The following MAPDA variants were observed in gnomAD, a reference collection of about 807,000 sequenced individuals.
MAPDA encodes the protein N6,N6-dimethyl-AMP deaminase.
chr15:43,336,525 A>T, the MAPDA span: 8 of 864,398 alleles, frequency 9.3e-6, no homozygotes, highest in African/African-American at 1.5e-4. Flanking sequence ...GTTCTTTGTA[A>T]ATATAAATAT....
the MAPDA span, chr15:43,353,264 C>T: frequency 7.1e-6 from 1 of 140,000 alleles, no homozygotes; most frequent in Non-Finnish European, 1.5e-5. Context: ...TAAGATAGTT[C>T]TGAAAGGTAA....
At chr15:43,338,039 C>G in the MAPDA span, among the ~76,000 whole-genome samples, 1 of 152,196 alleles carries the variant, frequency 6.6e-6, no homozygotes, top group Non-Finnish European at 1.5e-5. Context: ...GCCCTGGTCT[C>G]ACTTTGTTGA....
chr15:43,352,188 G>A, the MAPDA span: 3 of 366,570 alleles, frequency 8.2e-6, no homozygotes, highest in Non-Finnish European at 1.5e-5. Context: ...TTCCACCAGT[G>A]ATTATTGTGA....
At chr15:43,339,420 A>C in the MAPDA span, among the ~76,000 whole-genome samples, 1 of 152,196 alleles carries the variant, frequency 6.6e-6, no homozygotes, top group East Asian at 1.9e-4. Context: ...GATTGCTATG[A>C]ATTCACCAAG....
the MAPDA span, among the ~76,000 whole-genome samples, chr15:43,344,806 CA>C: frequency 4.2e-3 from 380 of 90,850 alleles, no homozygotes; most frequent in Middle Eastern, 0.013. Context: ...AATTCTGTCT[CA>C]AAAAAAAAAA....
the MAPDA span, chr15:43,354,383 T>A: frequency 6.6e-6 from 1 of 152,160 alleles, no homozygotes; most frequent in Admixed American, 6.5e-5. Context: ...AATTGCACAG[T>A]AAAAACATCA....
the MAPDA span, chr15:43,349,375 T>G: frequency 1.1e-6 from 1 of 941,994 alleles, no homozygotes; most frequent in Non-Finnish European, 1.3e-6. Flanking sequence ...TATGAAAATA[T>G]GTAACATTAT....
At chr15:43,336,622 GCAGATGTTTC>G in the MAPDA span, 1 of 1,565,654 alleles carries the variant, frequency 6.4e-7, no homozygotes, top group Non-Finnish European at 8.6e-7. Context: ...CATTCATGTT[GCAGATGTTTC>G]CAGATGTTTC....
At chr15:43,336,228 G>T in the MAPDA span, among the ~76,000 whole-genome samples, 1 of 151,904 alleles carries the variant, frequency 6.6e-6, no homozygotes, top group Non-Finnish European at 1.5e-5. Context: ...AATTTTTTTA[G>T]AGATGGGGGT....
chr15:43,340,393 T>G, the MAPDA span: 23 of 1,539,420 alleles, frequency 1.5e-5, no homozygotes, highest in Non-Finnish European at 2.0e-5. Context: ...GTCCTTTTCC[T>G]ATGTGCTTTG....
the MAPDA span, chr15:43,350,883 A>G: frequency 1.5e-6 from 2 of 1,369,420 alleles, no homozygotes; most frequent in Non-Finnish European, 2.0e-6. Context: ...CTTGGTGAAC[A>G]CTGAATGAGT....
the MAPDA span, chr15:43,330,582 A>G: frequency 4.3e-6 from 6 of 1,397,178 alleles, no homozygotes; most frequent in Admixed American, 3.2e-5. Flanking sequence ...GGGGAAAAAA[A>G]CCACCCATGC....
At chr15:43,337,110 T>TACA in the MAPDA span, among the ~76,000 whole-genome samples, 1 of 118,134 alleles carries the variant, frequency 8.5e-6, no homozygotes, top group Non-Finnish European at 1.6e-5. Context: ...CTACTAAAAA[T>TACA]ACAAAAAAAA....
At chr15:43,351,011 G>A in the MAPDA span, 3 of 1,551,572 alleles carry the variant, frequency 1.9e-6, no homozygotes, top group Non-Finnish European at 2.6e-6. Flanking sequence ...TCGGATTCTG[G>A]TACAGCATTG....
the MAPDA span, among the ~76,000 whole-genome samples, chr15:43,349,744 TAAAA>T: frequency 6.6e-6 from 1 of 152,254 alleles, no homozygotes; most frequent in African/African-American, 2.4e-5. Context: ...TACCAATTTA[TAAAA>T]ATGCTTGTGT....
At chr15:43,337,201 G>A in the MAPDA span, among the ~76,000 whole-genome samples, 4 of 151,332 alleles carry the variant, frequency 2.6e-5, no homozygotes, top group Admixed American at 6.6e-5. Flanking sequence ...ATGTGAACCC[G>A]GGAGGTGGAG....
chr15:43,348,709 TTGAAA>T, the MAPDA span, among the ~76,000 whole-genome samples: 2 of 152,284 alleles, frequency 1.3e-5, no homozygotes, highest in South Asian at 4.1e-4. Flanking sequence ...ATTATTATCA[TTGAAA>T]TGAATCTAGA....
At chr15:43,349,294 A>G in the MAPDA span, 1 of 1,207,838 alleles carries the variant, frequency 8.3e-7, no homozygotes. Context: ...CTTGGAACTC[A>G]ATAAGAATTT....
At chr15:43,340,956 G>A in the MAPDA span, among the ~76,000 whole-genome samples, 1 of 152,212 alleles carries the variant, frequency 6.6e-6, no homozygotes, top group South Asian at 2.1e-4. Context: ...TTACTAAAAT[G>A]TAGGTTATTC....
Sources: gnomAD v4.1 joint callset for allele counts (sites outside exome capture counted in the v4.1 genomes callset) on GRCh38, gnomAD v4.1.1 for gene constraint, MANE v1.5 for transcripts, NCBI Gene and HGNC (gene_info 2026-07-23, HGNC 2026-07-21) for gene names.